CD8A: variants seen among roughly 807,000 people sequenced by gnomAD.
The protein encoded by CD8A is T-cell surface glycoprotein CD8 alpha chain.
CD8A carries 25 observed loss-of-function variants against 24.2 expected under a neutral mutation model. The observed-to-expected ratio is 1.03, with a 90% CI of 0.75 to 1.44. The LOEUF (loss-of-function observed/expected upper bound fraction) is 1.44. CD8A is among the 40% of genes most tolerant of loss of function. The pLI, the probability that CD8A is intolerant of heterozygous loss-of-function variation, is 0.00. For synonymous variants in CD8A, 165 were observed against 149.9 expected, an observed-to-expected ratio of 1.10 and a Z score of -0.74; for missense variants, 360 against 319.7, an observed-to-expected ratio of 1.13 and a Z score of -0.96.
At chr2:86,791,179 G>A, upstream of CD8A, 1 of 510,262 alleles carries the variant, frequency 2.0e-6, no homozygotes, top group Non-Finnish European at 3.6e-6. Flanking sequence ...TGGGTGAAGG[G>A]AGACCAAAGA....
rs531213531 is a variant in CD8A at position 86,790,690 on chromosome 2, G to T, written c.50-9C>A. Reference sequence around the variant, plus strand: ...GCTCGGCCTGGCGGCGTCTGCAGGCGGCAAGCAGCGAGGCTGAGCCCGCAG... The same window carrying T: ...GCTCGGCCTGGCGGCGTCTGCAGGCTGCAAGCAGCGAGGCTGAGCCCGCAG... On this transcript the variant is annotated splice_polypyrimidine_tract_variant and intron_variant, in intron 1 of 5. Coordinates refer to ENST00000283635, the MANE Select transcript of CD8A (RefSeq NM_001768.7). 6.3e-7 allele frequency: 1 copy of T among 1,594,704 alleles called. No individual in the cohort carries two copies. Among genetic ancestry groups the T allele is most frequent in the African/African-American group, 1.3e-5 (1 of 74,902 alleles).
At chr2:86,798,405 C>T (rs1036541179) in intron 3 of CD8A, among the ~76,000 whole-genome samples, 3 of 152,088 alleles carry the variant, frequency 2.0e-5, no homozygotes, top group Admixed American at 6.5e-5. Context: ...GAACTCCCAA[C>T]CTCAGGTGAT....
intron 4 of CD8A, among the ~76,000 whole-genome samples, chr2:86,789,098 T>C (rs1184364792): frequency 6.6e-6 from 1 of 152,180 alleles, no homozygotes; most frequent in Non-Finnish European, 1.5e-5. Flanking sequence ...GCAGCGGCTC[T>C]GGGAACGCGG....
At chr2:86,802,911 T>A (rs1297183354) in intron 2 of CD8A, among the ~76,000 whole-genome samples, 5 of 152,148 alleles carry the variant, frequency 3.3e-5, no homozygotes, top group Non-Finnish European at 5.9e-5. Flanking sequence ...GCGCCTGGCC[T>A]AGAATTCATA....
chr2:86,785,909 G>A lies in CD8A; in HGVS notation c.*11C>T. ...CTCAGTTTGAAGTAATGTAGTGGCT[G>A]TTGCACAGGGTTAGACGTATCTCGC... On this transcript the variant is annotated 3_prime_UTR_variant, in exon 6 of 6. Transcript: ENST00000283635. 5.0e-6 allele frequency: 8 copies of A among 1,603,872 alleles called. No individual in the cohort carries two copies. Among genetic ancestry groups the A allele is most frequent in the Non-Finnish European group, 6.8e-6 (8 of 1,170,596 alleles).
At chr2:86,787,035 A>AAAG (rs1673040908) in intron 5 of CD8A, among the ~76,000 whole-genome samples, 4 of 145,562 alleles carry the variant, frequency 2.7e-5, no homozygotes, top group African/African-American at 1.0e-4. Context: ...AAAAAAAAAA[A>AAAG]AAAAAGAAAA....
At chr2:86,798,190 T>A (rs1469576043) in intron 3 of CD8A, among the ~76,000 whole-genome samples, 1 of 152,060 alleles carries the variant, frequency 6.6e-6, no homozygotes, top group Non-Finnish European at 1.5e-5. Flanking sequence ...TTTTTTTTTT[T>A]TTGAGATGGA....
chr2:86,797,917 TG>T (rs1288045703), intron 3 of CD8A, among the ~76,000 whole-genome samples: 1 of 152,224 alleles, frequency 6.6e-6, no homozygotes, highest in Non-Finnish European at 1.5e-5. Context: ...ATTTTTAATC[TG>T]TTAACCTTTC....
Position 86,784,790 on chromosome 2 carries a change from GTTC to G in CD8A, c.*1127_*1129del, listed in dbSNP as rs1388582035. 2 of 454,116 alleles carry G rather than the reference GTTC, an allele frequency of 4.4e-6. No homozygotes were observed. Among genetic ancestry groups the G allele is most frequent in the Non-Finnish European group, 8.8e-6 (2 of 226,786 alleles). The allele number at this position is 454,116 out of a possible 1,614,324, so 28.1% of individuals were successfully genotyped here. ...TTCCTAAGGTGAAGAATTATGAGTG[GTTC>G]TTATTTCCTTATCTACTTAAGTTTT... On this transcript the variant is annotated 3_prime_UTR_variant, in exon 6 of 6. Transcript: ENST00000283635.
At chr2:86,804,553 C>CACTTAAATGTT (rs1279952411) in intron 2 of CD8A, among the ~76,000 whole-genome samples, 4 of 152,150 alleles carry the variant, frequency 2.6e-5, no homozygotes, top group Non-Finnish European at 4.4e-5. Context: ...CTGAACTGTA[C>CACTTAAATGTT]ACTTAAATGT....
chr2:86,804,371 G>A (rs898519511), intron 2 of CD8A, among the ~76,000 whole-genome samples: 2 of 152,142 alleles, frequency 1.3e-5, no homozygotes, highest in African/African-American at 4.8e-5. Flanking sequence ...GGTATTTAAA[G>A]TAGTCAAAAT....
intron 5 of CD8A, 81 bp downstream of exon 5, chr2:86,788,449 C>T (rs1573458699): frequency 8.8e-7 from 1 of 1,142,270 alleles, no homozygotes. Flanking sequence ...GGGAAAAGTT[C>T]CCACTATTTG....
In CD8A at chr2:86,790,334, G is replaced by A. The variant is rs889943969; in HGVS notation, c.397C>T (p.Leu133=). The change falls in exon 2 of 6, where the codon CTG becomes TTG. Residue 133 remains leucine, a synonymous_variant. Coordinates refer to ENST00000283635, the MANE Select transcript of CD8A (RefSeq NM_001768.7). The part of the protein sequence containing the change: ...MYFSHFVPVF[L]PAKPTTTPAP... ...CGCAACCCGGCGCGCGGACCTGGCA[G>A]GAAGACCGGCACGAAGTGGCTGAAG... 5.6e-6 allele frequency: 9 copies of A among 1,613,046 alleles called. No homozygotes were observed. The highest frequency in any genetic ancestry group is 1.7e-5 in the Admixed American group (1 of 60,006).
chr2:86,796,801 T>C (rs532995746), intron 3 of CD8A, among the ~76,000 whole-genome samples: 18 of 152,244 alleles, frequency 1.2e-4, no homozygotes, highest in Non-Finnish European at 2.5e-4. Context: ...TCACTTATTA[T>C]GAACAATAAG....
rs3020726 is a variant in CD8A at position 86,789,383 on chromosome 2, A to G, written c.565T>C (p.Leu189=). 0.14 allele frequency: 227,051 copies of G among 1,613,118 alleles called. 17,203 individuals are homozygous for G. Among genetic ancestry groups the G allele is most frequent in the Non-Finnish European group, 0.16 (190,371 of 1,179,126 alleles). ...AGAAGGACCCCACAAGTCCCGGCCAAGGGCGCCCAGATGTAGATATCACAG... is the reference window on the plus strand; with the variant it reads ...AGAAGGACCCCACAAGTCCCGGCCAGGGGCGCCCAGATGTAGATATCACAG... ...FACDIYIWAP[L]AGTCGVLLLS... Residue 189 remains leucine (L), a synonymous_variant, in exon 4 of 6, where the codon TTG becomes CTG. Coordinates refer to ENST00000283635, the MANE Select transcript of CD8A (RefSeq NM_001768.7).
Position 86,785,725 on chromosome 2 carries a change from C to T in CD8A, c.*195G>A, listed in dbSNP as rs1379254165. ...ACAGTATTGTGACCCTTGTGGTGTACTGTAGATTTTACCTAGTTTTGTTTC... is the reference window on the plus strand; with the variant it reads ...ACAGTATTGTGACCCTTGTGGTGTATTGTAGATTTTACCTAGTTTTGTTTC... On this transcript the variant is annotated 3_prime_UTR_variant, in exon 6 of 6. Coordinates refer to ENST00000283635, the MANE Select transcript of CD8A (RefSeq NM_001768.7). 1 of 735,210 alleles carries T rather than the reference C, an allele frequency of 1.4e-6. No individual in the cohort carries two copies. The highest frequency in any genetic ancestry group is 2.5e-5 in the East Asian group (1 of 39,346). The allele number at this position is 735,210 out of a possible 1,614,324, so 45.5% of individuals were successfully genotyped here.
At chr2:86,807,203 T>C (rs1314988248) in intron 2 of CD8A, among the ~76,000 whole-genome samples, 1 of 151,734 alleles carries the variant, frequency 6.6e-6, no homozygotes, top group African/African-American at 2.4e-5. Context: ...GGGTCCATGG[T>C]CCAAGCTACT....
Position 86,790,452 on chromosome 2 carries a change from C to T in CD8A, c.279G>A (p.Arg93=), listed in dbSNP as rs2229240. The change falls in exon 2 of 6, where the codon AGG becomes AGA. Residue 93 remains arginine (R), a synonymous_variant. Coordinates refer to ENST00000283635, the MANE Select transcript of CD8A (RefSeq NM_001768.7). ...GLDTQRFSGK[R]LGDTFVLTLS... ...GGGTGAGGACGAAGGTGTCCCCCAA[C>T]CTCTTGCCCGAGAACCGCTGGGTGT... 114,974 of 1,614,066 alleles carry T rather than the reference C, an allele frequency of 0.071. 4,521 individuals carry two copies. Among genetic ancestry groups the T allele is most frequent in the African/African-American group, 0.083 (6,236 of 75,042 alleles).
At chr2:86,787,654 C>A (rs562936566) in intron 5 of CD8A, among the ~76,000 whole-genome samples, 2 of 152,114 alleles carry the variant, frequency 1.3e-5, no homozygotes, top group Admixed American at 1.3e-4. Context: ...AAGCAAGTAA[C>A]GTGCGTTGTA....
Sources: gnomAD v4.1 joint callset for allele counts (sites outside exome capture counted in the v4.1 genomes callset) on GRCh38, gnomAD v4.1.1 for gene constraint, MANE v1.5 for transcripts, NCBI Gene and HGNC (gene_info 2026-07-23, HGNC 2026-07-21) for gene names.